INPP5A: variants seen among roughly 807,000 people sequenced by gnomAD.
INPP5A encodes the protein 43 kDa inositol polyphosphate 5-phophatase.
INPP5A carries 14 observed loss-of-function variants against 65.2 expected under a neutral mutation model. The observed-to-expected ratio is 0.21, with a 90% CI of 0.14 to 0.34. The LOEUF (loss-of-function observed/expected upper bound fraction) is 0.34. INPP5A is among the 10% of genes least tolerant of loss of function. The probability of loss-of-function intolerance (pLI) is 1.00; values close to 1 mark genes in which losing one functional copy is unlikely to be tolerated. For missense variants in INPP5A, 431 were observed against 545.6 expected, an observed-to-expected ratio of 0.79 and a Z score of 2.09; for synonymous variants, 207 against 208.3, an observed-to-expected ratio of 0.99 and a Z score of 0.05.
At chr10:132,726,767 T>C (rs1386991094) in intron 8 of INPP5A, 54 bp from the exon 9 acceptor site, 2 of 1,309,686 alleles carry the variant, frequency 1.5e-6, no homozygotes, top group East Asian at 4.7e-5. Flanking sequence ...GGGCCGGGCA[T>C]GAGGGCTGGC....
rs1590915858 is a variant in INPP5A, at chr10:132,675,249, T to G, written c.307-15143T>G. On this transcript the variant is annotated intron_variant, in intron 4 of 15. Coordinates refer to ENST00000368594, the MANE Select transcript of INPP5A (RefSeq NM_005539.5). The surrounding 1 kb of genome is among the most constrained non-coding windows in gnomAD (Gnocchi z 4.2). ...CAGAAATGGTAACCGCAGGGGACGG[T>G]GCAGCCGCATCTTCCGTGTCCTTGG... Among the ~76,000 whole-genome samples, 1 of 152,348 alleles carries G rather than the reference T, an allele frequency of 6.6e-6. No individual in the cohort carries two copies. Among genetic ancestry groups the G allele is most frequent in the South Asian group, 2.1e-4 (1 of 4,826 alleles).
chr10:132,571,275 G>A (rs984540368), intron 1 of INPP5A, among the ~76,000 whole-genome samples: 2 of 152,248 alleles, frequency 1.3e-5, no homozygotes, highest in African/African-American at 2.4e-5. Flanking sequence ...GGCTCCTGCC[G>A]AGCAGAGGAG....
At chr10:132,671,388 TCCCTGCTCTGGACTCCGCCCTCCCTGC>T (rs2072889850) in intron 4 of INPP5A, among the ~76,000 whole-genome samples, 1 of 148,548 alleles carries the variant, frequency 6.7e-6, no homozygotes, top group Admixed American at 6.7e-5. Flanking sequence ...GACTCCGCCC[TCCCTGCTCTGGACTCCGCCCTCCCTGC>T]TTCGGACTCC....
intron 11 of INPP5A, among the ~76,000 whole-genome samples, chr10:132,760,237 C>T (rs116497494): frequency 5.3e-5 from 8 of 152,372 alleles, no homozygotes; most frequent in African/African-American, 1.4e-4. Context: ...AGGCACAGCC[C>T]GGGCCTGGCT....
chr10:132,766,663 G>A (rs1846850753), intron 12 of INPP5A, among the ~76,000 whole-genome samples: 1 of 152,066 alleles, frequency 6.6e-6, no homozygotes, highest in African/African-American at 2.4e-5. Flanking sequence ...ATGTGGCTGT[G>A]CTCCACGGAT....
At chr10:132,607,634 C>T (rs947889984) in intron 1 of INPP5A, among the ~76,000 whole-genome samples, 3 of 152,242 alleles carry the variant, frequency 2.0e-5, no homozygotes, top group African/African-American at 7.2e-5. Context: ...TTCCCCTCCT[C>T]GCCACCCGTG....
intron 9 of INPP5A, among the ~76,000 whole-genome samples, chr10:132,737,379 G>C (rs768174924): frequency 6.6e-6 from 1 of 152,134 alleles, no homozygotes; most frequent in Non-Finnish European, 1.5e-5. Context: ...TCCTCCTGCT[G>C]CCGTGGGTTA....
chr10:132,735,141 TC>T (rs1846153731), intron 9 of INPP5A, among the ~76,000 whole-genome samples: 3 of 152,132 alleles, frequency 2.0e-5, no homozygotes, highest in Admixed American at 2.0e-4. Context: ...TGCAGGCTAG[TC>T]CTCCCCACCC....
intron 12 of INPP5A, among the ~76,000 whole-genome samples, chr10:132,767,826 C>T (rs1254263981): frequency 6.0e-5 from 9 of 149,422 alleles, no homozygotes; most frequent in African/African-American, 7.4e-5. Context: ...CAGTGGCATT[C>T]CAGAAAGATC....
At position 132,738,712 on chromosome 10, in the gene INPP5A, G is replaced by C. The variant is rs572646034; in HGVS notation, c.733-10805G>C. On this transcript the variant is annotated intron_variant, in intron 9 of 15. Transcript: ENST00000368594. ...TGCTGGAGTCCGGGAGCAACCTTGG[G>C]AGAGGACATGAAAGAGTCTTTATAG... 2.1e-4 allele frequency among the ~76,000 whole-genome samples: 32 copies of C among 152,364 alleles called. No homozygotes were observed. In the South Asian group the frequency reaches 6.2e-3, roughly 30 times the overall value.
rs115074839 is a variant in INPP5A at position 132,571,210 on chromosome 10, G to T, written c.75+33039G>T. Reference sequence around the variant, plus strand: ...AGGCAGGTGCCTTTTGCTGAATGAGGTGAACAGCAAGAGGGAGAAAAGGAG... The same window carrying T: ...AGGCAGGTGCCTTTTGCTGAATGAGTTGAACAGCAAGAGGGAGAAAAGGAG... On this transcript the variant is annotated intron_variant, in intron 1 of 15. Transcript: ENST00000368594. 5.8e-3 allele frequency among the ~76,000 whole-genome samples: 878 copies of T among 152,384 alleles called. 6 individuals carry two copies. Among genetic ancestry groups the T allele is most frequent in the African/African-American group, 0.02 (825 of 41,588 alleles).
At position 132,698,676 on chromosome 10, in the gene INPP5A, C is replaced by A. The variant is rs985653831; in HGVS notation, c.474+757C>A. Among the ~76,000 whole-genome samples the A allele has an allele frequency of 3.3e-5, 5 of 152,152 alleles. No individual in the cohort carries two copies. Among genetic ancestry groups the A allele is most frequent in the African/African-American group, 4.8e-5 (2 of 41,420 alleles). Reference sequence around the variant, plus strand: ...TCACAGTGGGGTGCAGGCACTGTGGCCAGAAGCAGCCCAGGCACTGAGACG... The same window carrying A: ...TCACAGTGGGGTGCAGGCACTGTGGACAGAAGCAGCCCAGGCACTGAGACG... On this transcript the variant is annotated intron_variant, in intron 6 of 15. Transcript: ENST00000368594. This position sits in a 1 kb window ranked among gnomAD's most constrained non-coding sequence, Gnocchi z 5.5.
chr10:132,756,430 A>G (rs1236077237), intron 11 of INPP5A, among the ~76,000 whole-genome samples: 3 of 151,952 alleles, frequency 2.0e-5, no homozygotes, highest in African/African-American at 7.2e-5. Flanking sequence ...GTGTGTATAC[A>G]GTCACGTCAC....
chr10:132,546,493 T>C lies in INPP5A; in HGVS notation c.75+8322T>C, dbSNP rs935860043. On this transcript the variant is annotated intron_variant, in intron 1 of 15. Transcript: ENST00000368594. This position sits in a 1 kb window ranked among gnomAD's most constrained non-coding sequence, Gnocchi z 5.7. ...CTCCGACAGGAGTGTGAGACTCCTC[T>C]TCAGGGGTTGCTGGGGACCAGCTGG... is the stretch of plus-strand genomic sequence containing the variant. Among the ~76,000 whole-genome samples, 1 of 152,066 alleles carries C rather than the reference T, an allele frequency of 6.6e-6. No individual in the cohort carries two copies. The highest frequency in any genetic ancestry group is 2.1e-4 in the South Asian group (1 of 4,818).
chr10:132,577,815 G>A (rs140151527), intron 1 of INPP5A, among the ~76,000 whole-genome samples: 127 of 152,324 alleles, frequency 8.3e-4, no homozygotes, highest in African/African-American at 3.0e-3. Context: ...AGCCTCTCTC[G>A]CCCATGGGCG....
In INPP5A at chr10:132,698,036, A is replaced by G; in HGVS notation, c.474+117A>G. 1.4e-6 allele frequency: 1 copy of G among 695,778 alleles called. No individual in the cohort carries two copies. Among genetic ancestry groups the G allele is most frequent in the Non-Finnish European group, 2.6e-6 (1 of 385,054 alleles). The allele number at this position is 695,778 out of a possible 1,614,324, so 43.1% of individuals were successfully genotyped here. A position where few individuals can be genotyped will look rare whatever the true frequency, so the allele number is the denominator to read the frequency against. On this transcript the variant is annotated intron_variant, in intron 6 of 15. Transcript: ENST00000368594. The surrounding 1 kb of genome is among the most constrained non-coding windows in gnomAD (Gnocchi z 5.5). ...TTACTAGTCACAGCTGCCTGTTGTT[A>G]CCTCCGATAATCTGTCTTCCTGGGA...
At chr10:132,563,799 G>A (rs981773654) in intron 1 of INPP5A, among the ~76,000 whole-genome samples, 2 of 152,182 alleles carry the variant, frequency 1.3e-5, no homozygotes, top group Non-Finnish European at 2.9e-5. Context: ...ACAGCCCCGG[G>A]GGATTTATAA....
intron 4 of INPP5A, among the ~76,000 whole-genome samples, chr10:132,690,183 G>C (rs1399449844): frequency 6.6e-6 from 1 of 152,254 alleles, no homozygotes; most frequent in East Asian, 1.9e-4. Context: ...GCGGCTGCAC[G>C]GCTCACCGCA....
Position 132,737,614 on chromosome 10 carries a change from C to G in INPP5A, c.732+10709C>G, listed in dbSNP as rs1033589180. 2.0e-5 allele frequency among the ~76,000 whole-genome samples: 3 copies of G among 152,306 alleles called. No homozygotes were observed. The East Asian group carries it at 5.8e-4, about 29-fold the overall frequency. On this transcript the variant is annotated intron_variant, in intron 9 of 15. Coordinates refer to ENST00000368594, the MANE Select transcript of INPP5A (RefSeq NM_005539.5). ...GTGGCAGCCTCTCTGCCCTCCCTGC[C>G]AGCTCCTCAGCCACAGGGACGCCCT... is the stretch of plus-strand genomic sequence containing the variant.
Sources: allele counts gnomAD v4.1 joint callset (sites outside exome capture counted in the v4.1 genomes callset), GRCh38; gene constraint gnomAD v4.1.1; non-coding constraint Gnocchi (gnomAD v3.1); transcripts MANE v1.5; gene names NCBI Gene and HGNC (gene_info 2026-07-23, HGNC 2026-07-21).